The following STIM1 variants were observed in gnomAD, a reference collection of about 807,000 sequenced individuals.
STIM1 encodes stromal interaction molecule 1.
In STIM1, 25 loss-of-function variants were observed where a neutral mutation model predicts 74.7. The ratio of observed to expected loss-of-function variants is 0.33; its 90% confidence interval spans 0.24 to 0.47. The LOEUF is 0.47. Ranked by LOEUF, STIM1 falls within the 20% of genes least tolerant of loss-of-function variation. STIM1 has a pLI of 1.00. For synonymous variants in STIM1, 328 were observed against 348.8 expected (o/e 0.94, Z 0.66); for missense variants, 728 against 920.8 (o/e 0.79, Z 2.71).
rs2092715504 is a variant in STIM1 at position 3,921,390 on chromosome 11, C to A, written c.140-46162C>A. Among the ~76,000 whole-genome samples the A allele has an allele frequency of 2.6e-5, 4 of 152,202 alleles. No individual in the cohort carries two copies. In the South Asian group the frequency reaches 8.3e-4, roughly 32 times the overall value. On this transcript the variant is annotated intron_variant, in intron 1 of 12. Coordinates refer to ENST00000526596, the MANE Select transcript of STIM1 (RefSeq NM_001382567.1). ...ATATCAGTATTCCTTTATAGTTTTG[C>A]CTAGGGATATGTAAACACTTCTACT...
chr11:4,045,115 A>G (rs927051205), intron 3 of STIM1, among the ~76,000 whole-genome samples: 3 of 152,086 alleles, frequency 2.0e-5, no homozygotes, highest in Non-Finnish European at 4.4e-5. Flanking sequence ...CCAGACTTGT[A>G]TCAAGGCATC....
At chr11:3,870,990 A>G (rs1644559866) in intron 1 of STIM1, among the ~76,000 whole-genome samples, 1 of 146,620 alleles carries the variant, frequency 6.8e-6, no homozygotes, top group African/African-American at 2.6e-5. Context: ...CTCCCACCTC[A>G]GCCTCCCAAG....
At chr11:4,028,507 C>G (rs967918365) in intron 3 of STIM1, among the ~76,000 whole-genome samples, 1 of 146,792 alleles carries the variant, frequency 6.8e-6, no homozygotes, top group Non-Finnish European at 1.5e-5. Context: ...CTTCCAAGTT[C>G]AAGAGATTCT....
intron 1 of STIM1, among the ~76,000 whole-genome samples, chr11:3,881,575 G>C (rs188543929): frequency 1.1e-3 from 163 of 152,258 alleles, no homozygotes; most frequent in African/African-American, 3.8e-3. Flanking sequence ...GTTTCACCCT[G>C]TTAGCCAGGA....
chr11:3,933,416 C>A (rs1020404833), intron 1 of STIM1, among the ~76,000 whole-genome samples: 2 of 152,138 alleles, frequency 1.3e-5, no homozygotes, highest in African/African-American at 2.4e-5. Context: ...GATGAGGAGA[C>A]TGAAGTTTAG....
intron 1 of STIM1, among the ~76,000 whole-genome samples, chr11:3,908,826 G>T (rs1565111397): frequency 6.6e-6 from 1 of 152,230 alleles, no homozygotes; most frequent in East Asian, 1.9e-4. Flanking sequence ...ACTGGACATT[G>T]CTCATTCACT....
chr11:4,073,599 T>G (rs1017733541), intron 6 of STIM1, among the ~76,000 whole-genome samples: 1 of 152,092 alleles, frequency 6.6e-6, no homozygotes, highest in East Asian at 1.9e-4. Context: ...AAGAACTCGG[T>G]GAATGAATAG....
intron 1 of STIM1, among the ~76,000 whole-genome samples, chr11:3,901,035 A>T (rs1244858342): frequency 6.6e-6 from 1 of 152,218 alleles, no homozygotes; most frequent in Non-Finnish European, 1.5e-5. Context: ...TATTAAAAAT[A>T]CAAAAATTAG....
At chr11:3,939,147 A>C (rs189411347) in intron 1 of STIM1, among the ~76,000 whole-genome samples, 3 of 152,354 alleles carry the variant, frequency 2.0e-5, no homozygotes, top group Admixed American at 1.3e-4. Context: ...GAGACTAGAT[A>C]GACTAGCTTA....
At chr11:4,024,966 G>A (rs1565152401) in intron 3 of STIM1, among the ~76,000 whole-genome samples, 1 of 152,074 alleles carries the variant, frequency 6.6e-6, no homozygotes, top group Non-Finnish European at 1.5e-5. Flanking sequence ...GGTCTCTTAG[G>A]GCAGGTTCTG....
At chr11:3,882,785 CTA>C (rs2091564784) in intron 1 of STIM1, among the ~76,000 whole-genome samples, 1 of 152,276 alleles carries the variant, frequency 6.6e-6, no homozygotes, top group Non-Finnish European at 1.5e-5. Context: ...GACTAAAGTT[CTA>C]GTTTCTCTAC....
chr11:4,074,804 C>CCAGTGACTCTAGA, intron 7 of STIM1, 125 bp downstream of exon 7: 1 of 1,085,870 alleles, frequency 9.2e-7, no homozygotes, highest in Non-Finnish European at 1.3e-6. Context: ...GTTCTAGAGT[C>CCAGTGACTCTAGA]ACTGGACTCT....
At chr11:4,002,450 A>G (rs904749556) in intron 2 of STIM1, among the ~76,000 whole-genome samples, 1 of 152,162 alleles carries the variant, frequency 6.6e-6, no homozygotes, top group Non-Finnish European at 1.5e-5. Context: ...GAACTGCTCA[A>G]TTACATGGAA....
intron 2 of STIM1, among the ~76,000 whole-genome samples, chr11:3,970,499 G>A (rs935867307): frequency 6.6e-6 from 1 of 151,896 alleles, no homozygotes; most frequent in African/African-American, 2.4e-5. Context: ...TGGATGGTGG[G>A]GTACCAGAAA....
chr11:4,059,973 T>C lies in STIM1; in HGVS notation c.613+577T>C, dbSNP rs893521660. ...AATAGCATATCAGCAGGTTTATATA[T>C]ATATAATGACAGTGGGTTATTGTAG... On this transcript the variant is annotated intron_variant, in intron 5 of 12. Transcript: ENST00000526596. Among the ~76,000 whole-genome samples the C allele has an allele frequency of 3.9e-5, 6 of 152,204 alleles. No individual in the cohort carries two copies. The South Asian group carries it at 1.0e-3, about 26-fold the overall frequency.
chr11:4,087,309 A>G (rs1276260317), intron 12 of STIM1, among the ~76,000 whole-genome samples: 1 of 152,176 alleles, frequency 6.6e-6, no homozygotes, highest in African/African-American at 2.4e-5. Context: ...GGAAAAATTT[A>G]TTAAGTGCTA....
chr11:4,087,357 C>T (rs550651669), intron 12 of STIM1, among the ~76,000 whole-genome samples: 1 of 152,104 alleles, frequency 6.6e-6, no homozygotes, highest in Non-Finnish European at 1.5e-5. Context: ...CAGTGTGTAC[C>T]TGGGTGGAAT....
intron 1 of STIM1, among the ~76,000 whole-genome samples, chr11:3,916,075 A>G (rs956291224): frequency 2.0e-5 from 3 of 152,126 alleles, no homozygotes; most frequent in African/African-American, 7.2e-5. Context: ...AAGTAAATAA[A>G]TAAGATTAAA....
chr11:4,050,291 TG>T (rs2094229194), intron 3 of STIM1, among the ~76,000 whole-genome samples: 1 of 151,984 alleles, frequency 6.6e-6, no homozygotes, highest in South Asian at 2.1e-4. Context: ...AAGGGAGGAG[TG>T]GTTCTGTTCA....
Sources: allele counts gnomAD v4.1 joint callset (sites outside exome capture counted in the v4.1 genomes callset), GRCh38; gene constraint gnomAD v4.1.1; transcripts MANE v1.5; gene names NCBI Gene and HGNC (gene_info 2026-07-23, HGNC 2026-07-21).